OAS3: variants seen among roughly 807,000 people sequenced by gnomAD.
The protein encoded by OAS3 is 2'-5'-oligoadenylate synthetase 3, also known as 2'-5'-oligoadenylate synthase 3.
Under a neutral mutation model 113.0 loss-of-function variants are expected in OAS3, and 107 were observed. The observed-to-expected ratio is 0.95, with a 90% CI of 0.81 to 1.11. The LOEUF is 1.11. OAS3 is among the 50% of genes most tolerant of loss of function. The pLI is 0.00. For synonymous variants in OAS3, 552 were observed against 573.6 expected (o/e 0.96, Z 0.54); for missense variants, 1,258 against 1,389.1 (o/e 0.91, Z 1.50).
rs2043985674 is a variant in OAS3, at chr12:112,971,695, CATT to C, written c.*1726_*1728del. 1 of 152,236 alleles carries C rather than the reference CATT, an allele frequency of 6.6e-6. No homozygotes were observed. Among genetic ancestry groups the C allele is most frequent in the South Asian group, 2.1e-4 (1 of 4,830 alleles). The allele number at this position is 152,236 out of a possible 1,614,324, so 9.4% of individuals were successfully genotyped here. On this transcript the variant is annotated 3_prime_UTR_variant, in exon 16 of 16. Transcript: ENST00000228928. ...GAATGGGATGGGAAGAGCCTTCCCT[CATT>C]ATTGTCATTCTTGGAGAGAGGTGAG...
In OAS3 at chr12:112,963,786, G is replaced by A. The variant is rs7310549; in HGVS notation, c.2229+329G>A. 0.17 allele frequency among the ~76,000 whole-genome samples: 26,199 copies of A among 152,096 alleles called. 2,390 individuals carry two copies. The highest frequency in any genetic ancestry group is 0.32 in the East Asian group (1,663 of 5,160). On this transcript the variant is annotated intron_variant, in intron 10 of 15. Transcript: ENST00000228928. This position sits in a 1 kb window ranked among gnomAD's most constrained non-coding sequence, Gnocchi z 4.6. ...CCCAGCTTTGCTGAGCCTCTTCTCT[G>A]CCCTCTGCTGCTGTCCTTGTTCCAC...
chr12:112,938,475 G>A lies in OAS3; in HGVS notation c.-56G>A, dbSNP rs1593171360. 2 of 1,470,972 alleles carry A rather than the reference G, an allele frequency of 1.4e-6. No homozygotes were observed. The highest frequency in any genetic ancestry group is 2.6e-5 in the South Asian group (2 of 76,166). The allele number at this position is 1,470,972 out of a possible 1,614,324, so 91.1% of individuals were successfully genotyped here. A position where few individuals can be genotyped will look rare whatever the true frequency, so the allele number is the denominator to read the frequency against. Reference sequence around the variant, plus strand: ...AGAGCCGGGCGGGAAAACGAAACCAGAAATCCGAAGGCCGCGCCAGAGCCC... The same window carrying A: ...AGAGCCGGGCGGGAAAACGAAACCAAAAATCCGAAGGCCGCGCCAGAGCCC... On this transcript the variant is annotated 5_prime_UTR_variant, in exon 1 of 16. Coordinates refer to ENST00000228928, the MANE Select transcript of OAS3 (RefSeq NM_006187.4).
chr12:112,944,977 T>G (rs1429014758), intron 3 of OAS3: 10 of 362,296 alleles, frequency 2.8e-5, no homozygotes, highest in African/African-American at 1.3e-4. Flanking sequence ...CTCAGATATA[T>G]CCTTTGAAAA....
Position 112,947,926 on chromosome 12 carries a change from T to C in OAS3, c.876-20T>C. On this transcript the variant is annotated intron_variant, in intron 4 of 15. Coordinates refer to ENST00000228928, the MANE Select transcript of OAS3 (RefSeq NM_006187.4). Reference sequence around the variant, plus strand: ...AGCCCTCTTGCTAACCAGAACCTTCTTGTCTCTCTGAAATTGCAGGCCTGT... The same window carrying C: ...AGCCCTCTTGCTAACCAGAACCTTCCTGTCTCTCTGAAATTGCAGGCCTGT... 2 of 1,564,558 alleles carry C rather than the reference T, an allele frequency of 1.3e-6. No individual in the cohort carries two copies. The highest frequency in any genetic ancestry group is 1.7e-6 in the Non-Finnish European group (2 of 1,155,294).
chr12:112,949,066 C>T lies in OAS3; in HGVS notation c.1235C>T (p.Pro412Leu). Reference sequence around the variant, plus strand: ...ATGGCCTTGGACCTGTCTCAGATCCCCACCAAGGAGCTGGACCGCTTCATC... The same window carrying T: ...ATGGCCTTGGACCTGTCTCAGATCCTCACCAAGGAGCTGGACCGCTTCATC... ...PGMALDLSQIPTKELDRFIQD... is the reference protein window; with the variant it reads ...PGMALDLSQILTKELDRFIQD... Residue 412 changes from proline to leucine, a missense_variant, in exon 6 of 16, where the codon CCC (proline) becomes CTC (leucine). Pro to Leu is a moderately conservative substitution (Grantham distance 98). Transcript: ENST00000228928. The T allele has an allele frequency of 6.2e-7, 1 of 1,614,022 alleles. No homozygotes were observed.
In OAS3 at chr12:112,962,802, G is replaced by A. The variant is rs201723513; in HGVS notation, c.1984G>A (p.Val662Met). The A allele has an allele frequency of 2.0e-5, 33 of 1,613,904 alleles. No homozygotes were observed. The highest frequency in any genetic ancestry group is 5.3e-5 in the African/African-American group (4 of 74,938). Reference sequence around the variant, plus strand: ...AGGCTTCCGGACGGTGCTGGGGCTCGTGCAACAGCATCAGCAGCTCTGTGT... The same window carrying A: ...AGGCTTCCGGACGGTGCTGGGGCTCATGCAACAGCATCAGCAGCTCTGTGT... Reference protein sequence around the residue: ...AQGFRTVLGLVQQHQQLCVYW... With the variant: ...AQGFRTVLGLMQQHQQLCVYW... Residue 662 changes from valine to methionine, a missense_variant, in exon 9 of 16, where the codon GTG (valine) becomes ATG (methionine). Physicochemically the swap from Val to Met is conservative, Grantham distance 21. Coordinates refer to ENST00000228928, the MANE Select transcript of OAS3 (RefSeq NM_006187.4).
At chr12:112,952,893 T>C (rs2043803828) in intron 7 of OAS3, among the ~76,000 whole-genome samples, 1 of 152,226 alleles carries the variant, frequency 6.6e-6, no homozygotes, top group Non-Finnish European at 1.5e-5. Flanking sequence ...TTCATTTTCT[T>C]TTGATTTCCC....
intron 7 of OAS3, among the ~76,000 whole-genome samples, chr12:112,959,385 C>T (rs2043862769): frequency 6.6e-6 from 1 of 152,128 alleles, no homozygotes; most frequent in Non-Finnish European, 1.5e-5. Context: ...GAGAGGAACC[C>T]AGTACCTCAG....
chr12:112,943,502 G>A (rs944708782), intron 2 of OAS3, among the ~76,000 whole-genome samples: 7 of 152,068 alleles, frequency 4.6e-5, no homozygotes, highest in Non-Finnish European at 8.8e-5. Context: ...GAGTGGTGGC[G>A]GAAAAGGCGC....
chr12:112,948,004 C>T lies in OAS3; in HGVS notation c.934C>T (p.His312Tyr), dbSNP rs2043748996. The change falls in exon 5 of 16, where the codon CAC becomes TAC. Residue 312 changes from histidine to tyrosine, a missense_variant. By Grantham distance (83) the His-to-Tyr change is moderately conservative (BLOSUM62 2). Coordinates refer to ENST00000228928, the MANE Select transcript of OAS3 (RefSeq NM_006187.4). ...GGACCTGGGGAATGGGGCAGCCTGG[C>T]ACTGGGATTTGCTAGCCCAGGAGGC... ...TWDLGNGAAW[H>Y]WDLLAQEAAS... The T allele has an allele frequency of 6.2e-7, 1 of 1,602,576 alleles. No homozygotes were observed. Among genetic ancestry groups the T allele is most frequent in the Non-Finnish European group, 8.5e-7 (1 of 1,174,720 alleles).
intron 11 of OAS3, 58 bp from the exon 12 acceptor site, chr12:112,965,686 A>G: frequency 6.6e-7 from 1 of 1,525,612 alleles, no homozygotes; most frequent in Non-Finnish European, 8.8e-7. Context: ...CTCACAGTCC[A>G]GAACCGACAG....
intron 7 of OAS3, among the ~76,000 whole-genome samples, chr12:112,959,309 C>T (rs1393557615): frequency 6.6e-6 from 1 of 151,522 alleles, no homozygotes; most frequent in African/African-American, 2.5e-5. Flanking sequence ...AGGCGACGCC[C>T]TGCCCTGCTT....
intron 12 of OAS3, 85 bp downstream of exon 12, chr12:112,966,114 AC>A: frequency 7.4e-7 from 1 of 1,353,228 alleles, no homozygotes; most frequent in Non-Finnish European, 1.0e-6. Flanking sequence ...ACAGTACACA[AC>A]CAGGCCACAT....
rs2043760209 is a variant in OAS3 at position 112,948,916 on chromosome 12, A to C, written c.1085A>C (p.Asn362Thr). 6.2e-7 allele frequency: 1 copy of C among 1,608,350 alleles called. No homozygotes were observed. Among genetic ancestry groups the C allele is most frequent in the African/African-American group, 1.3e-5 (1 of 74,730 alleles). ...GLGHPIQLDP[N>T]QKTPENSKSL... ...GGCCACCCCATCCAGCTAGACCCTAACCAGAAGACCCCTGAAAACAGCAAG... is the reference window on the plus strand; with the variant it reads ...GGCCACCCCATCCAGCTAGACCCTACCCAGAAGACCCCTGAAAACAGCAAG... Residue 362 changes from asparagine (N) to threonine (T), a missense_variant, in exon 6 of 16, where the codon AAC becomes ACC. Physicochemically the swap from Asn to Thr is moderately conservative, Grantham distance 65. Transcript: ENST00000228928.
rs988108257 is a variant in OAS3 at position 112,970,047 on chromosome 12, T to C, written c.*74T>C. ...GCCCTCAGCATGAGGAAATTCAGGG[T>C]CCCCTACCAGATGAGAGAGATTGTG... On this transcript the variant is annotated 3_prime_UTR_variant, in exon 16 of 16. Coordinates refer to ENST00000228928, the MANE Select transcript of OAS3 (RefSeq NM_006187.4). 2.6e-5 allele frequency: 40 copies of C among 1,542,580 alleles called. No homozygotes were observed. In the African/African-American group the frequency reaches 5.3e-4, roughly 21 times the overall value.
chr12:112,963,718 C>T lies in OAS3; in HGVS notation c.2229+261C>T, dbSNP rs570701793. Among the ~76,000 whole-genome samples the T allele has an allele frequency of 1.3e-5, 2 of 152,204 alleles. No individual in the cohort carries two copies. The highest frequency in any genetic ancestry group is 6.5e-5 in the Admixed American group (1 of 15,282). On this transcript the variant is annotated intron_variant, in intron 10 of 15. Coordinates refer to ENST00000228928, the MANE Select transcript of OAS3 (RefSeq NM_006187.4). The surrounding 1 kb of genome is among the most constrained non-coding windows in gnomAD (Gnocchi z 4.6). ...TTCTGTGATGCAACTCACGTTCCAGCGCTCCCTGTGGAATCAGGCAAACAC... is the reference window on the plus strand; with the variant it reads ...TTCTGTGATGCAACTCACGTTCCAGTGCTCCCTGTGGAATCAGGCAAACAC...
intron 7 of OAS3, among the ~76,000 whole-genome samples, chr12:112,957,403 G>A (rs1565979136): frequency 6.6e-6 from 1 of 152,144 alleles, no homozygotes; most frequent in Non-Finnish European, 1.5e-5. Flanking sequence ...TATTTTGCTC[G>A]TTAGTTGATG....
intron 13 of OAS3, 68 bp from the exon 14 acceptor site, chr12:112,967,868 C>T (rs1435984078): frequency 2.0e-6 from 3 of 1,525,300 alleles, no homozygotes; most frequent in Non-Finnish European, 2.6e-6. Flanking sequence ...TTGCCAAGTC[C>T]AGAATAATCC....
chr12:112,942,012 GC>G, intron 2 of OAS3, 160 bp downstream of exon 2: 1 of 858,160 alleles, frequency 1.2e-6, no homozygotes, highest in Non-Finnish European at 1.9e-6. Flanking sequence ...TTGGACTTGT[GC>G]CAGACAAAGG....
Sources: allele counts gnomAD v4.1 joint callset (sites outside exome capture counted in the v4.1 genomes callset), GRCh38; gene constraint gnomAD v4.1.1; non-coding constraint Gnocchi (gnomAD v3.1); transcripts MANE v1.5; gene names NCBI Gene and HGNC (gene_info 2026-07-23, HGNC 2026-07-21).